HDAC9: variants seen among roughly 807,000 people sequenced by gnomAD.
HDAC9 encodes the protein MEF-2 interacting transcription repressor (MITR) protein.
A neutral mutation model predicts 139.4 loss-of-function variants in HDAC9; 41 were observed. The ratio of observed to expected loss-of-function variants is 0.29; its 90% CI spans 0.23 to 0.38. HDAC9 has a LOEUF of 0.38. Ranked by LOEUF, HDAC9 falls within the 10% of genes least tolerant of loss-of-function variation. The pLI, the probability that HDAC9 is intolerant of heterozygous loss-of-function variation, is 1.00. For synonymous variants in HDAC9, 517 were observed against 476.2 expected, an observed-to-expected ratio of 1.09 and a Z score of -1.12; for missense variants, 1,147 against 1,297.0, an observed-to-expected ratio of 0.88 and a Z score of 1.78.
At chr7:18,765,894 T>G (rs1789792757) in intron 15 of HDAC9, among the ~76,000 whole-genome samples, 1 of 152,206 alleles carries the variant, frequency 6.6e-6, no homozygotes, top group South Asian at 2.1e-4. Context: ...CATCTTTTTG[T>G]TAAAATGAAG....
intron 6 of HDAC9, among the ~76,000 whole-genome samples, chr7:18,625,841 G>A (rs1841542308): frequency 6.6e-6 from 1 of 150,380 alleles, no homozygotes; most frequent in South Asian, 2.1e-4. Flanking sequence ...CTACCTGGGA[G>A]GCTGAGGCAG....
At chr7:18,986,958 A>G (rs1427799190) in intron 25 of HDAC9, among the ~76,000 whole-genome samples, 3 of 152,168 alleles carry the variant, frequency 2.0e-5, no homozygotes, top group Non-Finnish European at 4.4e-5. Flanking sequence ...CAGCTTAAGG[A>G]GATTTTGGGC....
intron 1 of HDAC9, among the ~76,000 whole-genome samples, chr7:18,307,098 TGTGTGTG>T (rs1166115442): frequency 0.012 from 77 of 6,168 alleles, no homozygotes; most frequent in African/African-American, 0.095. Context: ...GGGCAGTTCT[TGTGTGTG>T]TGTGTGTGTG....
chr7:18,088,682 A>G (rs1251942206), intron 1 of HDAC9, among the ~76,000 whole-genome samples: 3 of 152,172 alleles, frequency 2.0e-5, no homozygotes, highest in African/African-American at 7.2e-5. Context: ...AATTATTGTG[A>G]CTGAAAATTT....
At chr7:18,518,722 A>G (rs575508916) in intron 2 of HDAC9, among the ~76,000 whole-genome samples, 2 of 152,354 alleles carry the variant, frequency 1.3e-5, no homozygotes, top group South Asian at 2.1e-4. Flanking sequence ...CAGTTTCACA[A>G]TGCAGTTACG....
intron 22 of HDAC9, among the ~76,000 whole-genome samples, chr7:18,881,811 C>A (rs929979778): frequency 2.0e-5 from 3 of 152,078 alleles, no homozygotes; most frequent in African/African-American, 7.2e-5. Flanking sequence ...GGACTCAATG[C>A]CTTGTCTTCT....
intron 21 of HDAC9, among the ~76,000 whole-genome samples, chr7:18,864,052 T>C (rs1448120620): frequency 1.3e-5 from 2 of 152,202 alleles, no homozygotes; most frequent in African/African-American, 4.8e-5. Flanking sequence ...GCTTGCACTG[T>C]TTTACATAGT....
chr7:18,880,186 G>A (rs1483576158), intron 22 of HDAC9, among the ~76,000 whole-genome samples: 2 of 152,160 alleles, frequency 1.3e-5, no homozygotes, highest in African/African-American at 4.8e-5. Context: ...CGGAGAAAAA[G>A]GAACACTTAG....
chr7:18,527,569 A>G (rs1288512811), intron 2 of HDAC9, among the ~76,000 whole-genome samples: 1 of 152,184 alleles, frequency 6.6e-6, no homozygotes, highest in Non-Finnish European at 1.5e-5. Context: ...AGCATTCACA[A>G]TACAAAAGTC....
intron 2 of HDAC9, among the ~76,000 whole-genome samples, chr7:18,186,861 A>C (rs969349314): frequency 6.6e-6 from 1 of 152,232 alleles, no homozygotes; most frequent in Admixed American, 6.5e-5. Flanking sequence ...TTTATTTTCT[A>C]ATTGGAAGTC....
At chr7:18,846,234 C>A (rs574135653) in intron 21 of HDAC9, among the ~76,000 whole-genome samples, 2 of 152,288 alleles carry the variant, frequency 1.3e-5, no homozygotes, top group East Asian at 3.9e-4. Context: ...CTCACCGACT[C>A]CTCAGAAGTT....
intron 1 of HDAC9, among the ~76,000 whole-genome samples, chr7:18,329,187 T>C (rs1006238486): frequency 6.6e-5 from 10 of 151,802 alleles, no homozygotes; most frequent in Non-Finnish European, 1.3e-4. Context: ...GGGTCTTCTT[T>C]TTTTCTTTGT....
At chr7:18,144,878 C>T (rs914533164) in intron 1 of HDAC9, among the ~76,000 whole-genome samples, 5 of 152,070 alleles carry the variant, frequency 3.3e-5, no homozygotes, top group Non-Finnish European at 7.4e-5. Context: ...TTTCAAACTC[C>T]CTGAGGTCTG....
chr7:18,672,654 T>TA (rs1481947959), intron 12 of HDAC9, among the ~76,000 whole-genome samples: 3 of 152,100 alleles, frequency 2.0e-5, no homozygotes, highest in Non-Finnish European at 2.9e-5. Flanking sequence ...GATTTACACT[T>TA]ACGTTGCCTT....
intron 1 of HDAC9, among the ~76,000 whole-genome samples, chr7:18,396,213 A>G (rs1354703250): frequency 1.3e-5 from 2 of 150,390 alleles, no homozygotes; most frequent in African/African-American, 4.9e-5. Context: ...GCCAGGTACT[A>G]TAATAGGCAC....
At chr7:18,633,717 G>C (rs1783010421) in intron 7 of HDAC9, among the ~76,000 whole-genome samples, 1 of 152,092 alleles carries the variant, frequency 6.6e-6, no homozygotes, top group African/African-American at 2.4e-5. Context: ...TGAAATGAGT[G>C]AAGTGTAGAA....
chr7:18,548,652 A>G (rs113882634), intron 2 of HDAC9, among the ~76,000 whole-genome samples: 3 of 152,344 alleles, frequency 2.0e-5, no homozygotes, highest in African/African-American at 7.2e-5. Flanking sequence ...CATATCTAAA[A>G]TGTATAAATA....
intron 21 of HDAC9, among the ~76,000 whole-genome samples, chr7:18,870,898 A>C (rs935919353): frequency 2.0e-5 from 3 of 152,134 alleles, no homozygotes; most frequent in Admixed American, 6.6e-5. Flanking sequence ...CCTAGGCTCA[A>C]GCAATTCTCC....
rs975523331 is a variant in HDAC9 at position 18,594,172 on chromosome 7, A to G, written c.664+143A>G. ...CCCCTGCCCCCAGCATAAGCAAACAATGCACACACATACCCTACTTATTTC... is the reference window on the plus strand; with the variant it reads ...CCCCTGCCCCCAGCATAAGCAAACAGTGCACACACATACCCTACTTATTTC... On this transcript the variant is annotated intron_variant, in intron 6 of 25. Coordinates refer to ENST00000686413, the MANE Select transcript of HDAC9 (RefSeq NM_178425.4). The G allele has an allele frequency of 9.6e-5, 64 of 666,310 alleles. No individual in the cohort carries two copies. In the South Asian group the frequency reaches 1.1e-3, roughly 12 times the overall value. The allele number at this position is 666,310 out of a possible 1,614,324, so 41.3% of individuals were successfully genotyped here. A position where few individuals can be genotyped will look rare whatever the true frequency, so the allele number is the denominator to read the frequency against.
Sources: gnomAD v4.1 joint callset for allele counts (sites outside exome capture counted in the v4.1 genomes callset) on GRCh38, gnomAD v4.1.1 for gene constraint, MANE v1.5 for transcripts, NCBI Gene and HGNC (gene_info 2026-07-23, HGNC 2026-07-21) for gene names.